The following ZNF469 variants were observed in gnomAD, a reference collection of about 807,000 sequenced individuals.
The protein encoded by ZNF469 is zinc finger protein 469.
Under a neutral mutation model 1.0 loss-of-function variants are expected in ZNF469, and 1 was observed. That is an observed-to-expected ratio of 1.00 (90% CI 0.35 to 4.73). The LOEUF is 4.73. ZNF469 is among the 30% of genes most tolerant of loss of function. The probability of loss-of-function intolerance (pLI) is 0.16; values close to 1 mark genes in which losing one functional copy is unlikely to be tolerated. For missense variants in ZNF469, 6,100 were observed against 5,356.3 expected, an observed-to-expected ratio of 1.14 and a Z score of -4.33; for synonymous variants, 2,703 against 2,363.4, an observed-to-expected ratio of 1.14 and a Z score of -4.17.
chr16:88,419,612 A>G (rs1416604804), intron 1 of ZNF469, among the ~76,000 whole-genome samples: 2 of 151,060 alleles, frequency 1.3e-5, no homozygotes, highest in African/African-American at 4.9e-5. Flanking sequence ...GCAGCCTCCC[A>G]CTCCCTGCCC....
intron 1 of ZNF469, among the ~76,000 whole-genome samples, chr16:88,422,936 T>G (rs1905538798): frequency 7.1e-6 from 1 of 141,562 alleles, no homozygotes; most frequent in Non-Finnish European, 1.5e-5. Flanking sequence ...GATGGATGGG[T>G]GGATGGATGA....
At chr16:88,139,384 C>A in the ZNF469 span, among the ~76,000 whole-genome samples, 5 of 150,346 alleles carry the variant, frequency 3.3e-5, no homozygotes, top group African/African-American at 9.9e-5. Context: ...GGATCCGAAA[C>A]CTTTTTGCCC....
chr16:88,159,643 G>A, the ZNF469 span, among the ~76,000 whole-genome samples: 1 of 152,146 alleles, frequency 6.6e-6, no homozygotes, highest in Admixed American at 6.5e-5. Flanking sequence ...TTCTGACTTT[G>A]AAACAGAGCT....
At position 88,396,607 on chromosome 16, in the gene ZNF469, T is replaced by TCTGAAGGGAGGCCTGGAGGAGACCCTC. The variant is rs1567500046; in HGVS notation, c.-192+13366_-192+13367insTGGAGGAGACCCTCCTGAAGGGAGGCC. 5.1e-4 allele frequency among the ~76,000 whole-genome samples: 37 copies of TCTGAAGGGAGGCCTGGAGGAGACCCTC among 72,368 alleles called. 1 individual carries two copies. The highest frequency in any genetic ancestry group is 8.3e-4 in the Admixed American group (6 of 7,238). 47.5% of individuals were successfully genotyped at this position (72,368 alleles called of 152,430 possible). ...TGAAGGGAGGCCGGGCGGAGACCCA[T>TCTGAAGGGAGGCCTGGAGGAGACCCTC]CTGAAGGGAGGCCGGGAGGAGACCC... On this transcript the variant is annotated intron_variant, in intron 1 of 2. Coordinates refer to ENST00000565624, the MANE Select transcript of ZNF469 (RefSeq NM_001367624.2).
At chr16:88,239,658 TTTTTTTTTGTA>T in the ZNF469 span, among the ~76,000 whole-genome samples, 7 of 114,182 alleles carry the variant, frequency 6.1e-5, no homozygotes, top group African/African-American at 2.0e-4. Flanking sequence ...CGGCTTATTT[TTTTTTTTTGTA>T]TATATATATA....
chr16:88,238,612 C>T, the ZNF469 span, among the ~76,000 whole-genome samples: 8 of 152,206 alleles, frequency 5.3e-5, no homozygotes, highest in Non-Finnish European at 8.8e-5. Flanking sequence ...TGCCAATCAC[C>T]ACTTAATTTA....
chr16:88,198,702 T>A, the ZNF469 span, among the ~76,000 whole-genome samples: 2 of 152,196 alleles, frequency 1.3e-5, no homozygotes, highest in East Asian at 3.9e-4. Context: ...GGTTTTTAGC[T>A]GGCCAGGCCT....
the ZNF469 span, among the ~76,000 whole-genome samples, chr16:88,305,175 C>G: frequency 6.6e-6 from 1 of 152,210 alleles, no homozygotes; most frequent in Non-Finnish European, 1.5e-5. Flanking sequence ...GCAGGCCACA[C>G]TGAGGGGATG....
At chr16:88,264,817 C>G in the ZNF469 span, among the ~76,000 whole-genome samples, 1,185 of 151,978 alleles carry the variant, frequency 7.8e-3, 12 homozygotes, top group African/African-American at 0.027. Context: ...CCCCCCGCCT[C>G]GCACCCTCGC....
intron 1 of ZNF469, among the ~76,000 whole-genome samples, chr16:88,416,715 G>A (rs1905311286): frequency 6.6e-6 from 1 of 152,198 alleles, no homozygotes; most frequent in Non-Finnish European, 1.5e-5. Context: ...TTGTTTTAGG[G>A]GAGGGATGGT....
the ZNF469 span, among the ~76,000 whole-genome samples, chr16:88,331,461 T>A: frequency 6.7e-6 from 1 of 148,258 alleles, no homozygotes. Context: ...ACCACCATCA[T>A]CACTACCACC....
intron 1 of ZNF469, among the ~76,000 whole-genome samples, chr16:88,392,469 C>T (rs895595118): frequency 6.6e-6 from 1 of 152,246 alleles, no homozygotes; most frequent in African/African-American, 2.4e-5. Flanking sequence ...GGACCTCTTT[C>T]GTCTCTGAGA....
the ZNF469 span, among the ~76,000 whole-genome samples, chr16:88,208,801 ACACTCTCTCTCTCTCT>A: frequency 9.9e-5 from 2 of 20,176 alleles, no homozygotes; most frequent in African/African-American, 2.1e-4. Flanking sequence ...ACACACACAC[ACACTCTCTCTCTCTCT>A]CTCTCTCTCT....
At chr16:88,246,886 AGTG>A in the ZNF469 span, among the ~76,000 whole-genome samples, 1 of 151,700 alleles carries the variant, frequency 6.6e-6, no homozygotes, top group Non-Finnish European at 1.5e-5. Flanking sequence ...TGAATGAATG[AGTG>A]AGTGAATGAG....
At chr16:88,112,644 A>G in the ZNF469 span, among the ~76,000 whole-genome samples, 1 of 151,988 alleles carries the variant, frequency 6.6e-6, no homozygotes, top group African/African-American at 2.4e-5. Context: ...ATTCTTTCCT[A>G]TAGAGTTGTT....
chr16:88,382,472 C>T (rs2142258768), upstream of ZNF469, among the ~76,000 whole-genome samples: 1 of 152,274 alleles, frequency 6.6e-6, no homozygotes. Context: ...GGTCTGGGGG[C>T]AATGTTAGCT....
At chr16:88,118,661 T>G in the ZNF469 span, among the ~76,000 whole-genome samples, 4 of 152,254 alleles carry the variant, frequency 2.6e-5, no homozygotes, top group Non-Finnish European at 5.9e-5. Context: ...TTCCCGACTC[T>G]ACGGCTTCCT....
the ZNF469 span, among the ~76,000 whole-genome samples, chr16:88,137,438 G>T: frequency 8.5e-5 from 13 of 152,186 alleles, no homozygotes; most frequent in Non-Finnish European, 5.9e-5. Context: ...GCATGCAACC[G>T]TGTGTGTGCA....
Position 88,383,216 on chromosome 16 carries a change from G to A in ZNF469, c.-230G>A, listed in dbSNP as rs1027556174. On this transcript the variant is annotated 5_prime_UTR_variant, in exon 1 of 3. Transcript: ENST00000565624. ...GGCGCGGGCCGGGAGCTCGTTGGCG[G>A]CGGCCGGCGTGGCGGGCGGAGCGGG... Among the ~76,000 whole-genome samples the A allele has an allele frequency of 6.1e-5, 9 of 147,490 alleles. No homozygotes were observed. The highest frequency in any genetic ancestry group is 2.2e-4 in the African/African-American group (9 of 40,994).
Sources: gnomAD v4.1 joint callset for allele counts (sites outside exome capture counted in the v4.1 genomes callset) on GRCh38, gnomAD v4.1.1 for gene constraint, MANE v1.5 for transcripts, NCBI Gene and HGNC (gene_info 2026-07-23, HGNC 2026-07-21) for gene names.